FAM13A: variants seen among roughly 807,000 people sequenced by gnomAD.
FAM13A encodes protein FAM13A.
In FAM13A, 76 loss-of-function variants were observed where a neutral mutation model predicts 129.6. That is an observed-to-expected ratio of 0.59 (90% CI 0.49 to 0.71). The LOEUF is 0.71. Ranked by LOEUF, FAM13A falls within the 30% of genes least tolerant of loss-of-function variation. The pLI is 0.00. For synonymous variants in FAM13A, 443 were observed against 449.9 expected (o/e 0.98, Z 0.20); for missense variants, 1,108 against 1,249.3 (o/e 0.89, Z 1.70).
chr4:88,732,714 G>A (rs1321445257), intron 21 of FAM13A, among the ~76,000 whole-genome samples: 3 of 150,862 alleles, frequency 2.0e-5, no homozygotes. Context: ...ATATTTTATG[G>A]CTGCTTAATG....
intron 6 of FAM13A, among the ~76,000 whole-genome samples, chr4:88,864,570 G>C (rs747626025): frequency 6.6e-6 from 1 of 151,948 alleles, no homozygotes; most frequent in Admixed American, 6.6e-5. Context: ...CACCACACCC[G>C]GCTAATTTTT....
intron 9 of FAM13A, among the ~76,000 whole-genome samples, chr4:88,788,446 C>G (rs950738638): frequency 7.2e-5 from 11 of 152,188 alleles, no homozygotes; most frequent in African/African-American, 2.7e-4. Context: ...AAAAAACTCA[C>G]CAGAACAATT....
At chr4:88,947,832 A>G (rs1032040257) in intron 4 of FAM13A, among the ~76,000 whole-genome samples, 2 of 146,590 alleles carry the variant, frequency 1.4e-5, no homozygotes, top group African/African-American at 4.8e-5. Context: ...TGATGAGTAA[A>G]GTTGAAAGTC....
At chr4:88,791,221 T>C (rs977310695) in intron 8 of FAM13A, among the ~76,000 whole-genome samples, 2 of 152,176 alleles carry the variant, frequency 1.3e-5, no homozygotes, top group Non-Finnish European at 2.9e-5. Flanking sequence ...TCAAGCTCTG[T>C]AATGTGTCAG....
At chr4:88,812,274 C>CA (rs1729792174) in intron 7 of FAM13A, among the ~76,000 whole-genome samples, 3 of 152,152 alleles carry the variant, frequency 2.0e-5, no homozygotes, top group Admixed American at 2.0e-4. Context: ...GATTATGTCT[C>CA]AAAAAAAGGA....
intron 6 of FAM13A, among the ~76,000 whole-genome samples, chr4:88,854,980 C>T (rs1418603622): frequency 6.6e-6 from 1 of 152,132 alleles, no homozygotes; most frequent in African/African-American, 2.4e-5. Flanking sequence ...ATTCTCAAAA[C>T]CACCCAAGGA....
intron 1 of FAM13A, among the ~76,000 whole-genome samples, chr4:89,036,927 C>T (rs535413159): frequency 6.6e-6 from 1 of 152,348 alleles, no homozygotes; most frequent in Admixed American, 6.5e-5. Flanking sequence ...GCTTAGGAAC[C>T]TCCACCTAGA....
At chr4:88,783,249 C>G (rs551961269) in intron 10 of FAM13A, among the ~76,000 whole-genome samples, 2 of 151,906 alleles carry the variant, frequency 1.3e-5, no homozygotes, top group Non-Finnish European at 2.9e-5. Context: ...TATCCATTAA[C>G]CTAGCTTTTG....
rs185634984 is a variant in FAM13A at position 88,752,740 on chromosome 4, A to G, written c.1727-2103T>C. 4.9e-3 allele frequency among the ~76,000 whole-genome samples: 748 copies of G among 152,268 alleles called. 1 individual carries two copies. Among genetic ancestry groups the G allele is most frequent in the Middle Eastern group, 0.014 (4 of 294 alleles). On this transcript the variant is annotated intron_variant, in intron 14 of 23. Coordinates refer to ENST00000264344, the MANE Select transcript of FAM13A (RefSeq NM_014883.4). ...AAATGGACTGAGAGGCGAAGTAAGG[A>G]GGGGGGACTGGAAAGCAACCACTAG... is the stretch of plus-strand genomic sequence containing the variant.
At chr4:89,031,772 A>G (rs1484871157) in intron 1 of FAM13A, among the ~76,000 whole-genome samples, 2 of 152,214 alleles carry the variant, frequency 1.3e-5, no homozygotes, top group African/African-American at 4.8e-5. Flanking sequence ...TGACCTAATA[A>G]CTATTCTCCA....
chr4:89,004,719 C>T (rs1459986593), intron 3 of FAM13A, among the ~76,000 whole-genome samples: 3 of 152,060 alleles, frequency 2.0e-5, no homozygotes, highest in South Asian at 4.1e-4. Context: ...ACTAAAATGA[C>T]TTTTCTTTTT....
Position 88,727,819 on chromosome 4 carries a change from T to A in FAM13A, c.*714A>T, listed in dbSNP as rs1736732650. 1 of 152,236 alleles carries A rather than the reference T, an allele frequency of 6.6e-6. No individual in the cohort carries two copies. The allele number at this position is 152,236 out of a possible 1,614,324, so 9.4% of individuals were successfully genotyped here. A position where few individuals can be genotyped will look rare whatever the true frequency, so the allele number is the denominator to read the frequency against. On this transcript the variant is annotated 3_prime_UTR_variant, in exon 24 of 24. Transcript: ENST00000264344. The stretch of plus-strand genomic sequence containing the variant: ...AGCATTCATACAGCTGCTTACCATC[T>A]CTCTGTCCTCTGCAGATGACCCGGT...
chr4:88,809,881 T>TC (rs200933440), intron 7 of FAM13A, among the ~76,000 whole-genome samples: 2 of 149,770 alleles, frequency 1.3e-5, no homozygotes, highest in African/African-American at 4.9e-5. Flanking sequence ...TTTTTTTTTT[T>TC]CCTGGAAAAC....
intron 7 of FAM13A, among the ~76,000 whole-genome samples, chr4:88,842,222 C>G (rs922160371): frequency 1.1e-4 from 17 of 152,044 alleles, no homozygotes; most frequent in African/African-American, 4.1e-4. Context: ...ATTTCATAGA[C>G]AAGAAGAAAT....
intron 1 of FAM13A, among the ~76,000 whole-genome samples, chr4:89,031,179 T>G (rs1768633624): frequency 6.6e-6 from 1 of 152,148 alleles, no homozygotes; most frequent in Non-Finnish European, 1.5e-5. Flanking sequence ...TATAAATGTA[T>G]CAATCTCCTT....
chr4:88,745,767 T>C (rs985483318), intron 19 of FAM13A, among the ~76,000 whole-genome samples: 8 of 152,256 alleles, frequency 5.3e-5, no homozygotes, highest in African/African-American at 1.9e-4. Flanking sequence ...CAAACAAAGC[T>C]TGGCTGAAAC....
chr4:88,773,547 A>G (rs1426459429), intron 11 of FAM13A, among the ~76,000 whole-genome samples: 1 of 152,170 alleles, frequency 6.6e-6, no homozygotes, highest in Non-Finnish European at 1.5e-5. Flanking sequence ...GGAGATCGGC[A>G]GCAGCTCCTT....
intron 6 of FAM13A, among the ~76,000 whole-genome samples, chr4:88,854,772 C>T (rs1738213028): frequency 6.6e-6 from 1 of 152,202 alleles, no homozygotes; most frequent in African/African-American, 2.4e-5. Flanking sequence ...TGCGCAGTAG[C>T]TCTAATTGTG....
intron 4 of FAM13A, among the ~76,000 whole-genome samples, chr4:88,940,429 G>A (rs1754557179): frequency 6.6e-6 from 1 of 152,196 alleles, no homozygotes; most frequent in Non-Finnish European, 1.5e-5. Flanking sequence ...AACATTATTT[G>A]CAAGCAATGG....
Sources: gnomAD v4.1 joint callset for allele counts (sites outside exome capture counted in the v4.1 genomes callset) on GRCh38, gnomAD v4.1.1 for gene constraint, MANE v1.5 for transcripts, NCBI Gene and HGNC (gene_info 2026-07-23, HGNC 2026-07-21) for gene names.